GRIK1: variants seen among roughly 807,000 people sequenced by gnomAD.
GRIK1 encodes the protein glutamate ionotropic receptor kainate type subunit 1, also known as glutamate receptor ionotropic, kainate 1.
In GRIK1, 69 loss-of-function variants were observed where a neutral mutation model predicts 105.7. The observed-to-expected ratio is 0.65, with a 90% CI of 0.54 to 0.80. The LOEUF (loss-of-function observed/expected upper bound fraction) is 0.80, where lower values mean the gene tolerates loss of function less well. GRIK1 is among the 30% of genes least tolerant of loss of function. GRIK1 has a pLI of 0.00. For missense variants in GRIK1, 1,109 were observed against 1,167.3 expected (o/e 0.95, Z 0.73); for synonymous variants, 438 against 431.3 (o/e 1.02, Z -0.19).
intron 1 of GRIK1, among the ~76,000 whole-genome samples, chr21:29,864,140 T>A (rs1206817556): frequency 6.6e-6 from 1 of 152,132 alleles, no homozygotes; most frequent in Non-Finnish European, 1.5e-5. Flanking sequence ...GGAGGTATAT[T>A]GTGAAGACTG....
chr21:29,755,717 C>CA (rs1459940640), intron 1 of GRIK1, among the ~76,000 whole-genome samples: 3 of 151,928 alleles, frequency 2.0e-5, no homozygotes, highest in Non-Finnish European at 2.9e-5. Context: ...GGAGAGAAAT[C>CA]AAAAAATAGG....
rs907758476 is a variant in GRIK1, at chr21:29,939,904, G to C, written c.-404C>G. 1 of 162,998 alleles carries C rather than the reference G, an allele frequency of 6.1e-6. No individual in the cohort carries two copies. Among genetic ancestry groups the C allele is most frequent in the Admixed American group, 6.3e-5 (1 of 15,794 alleles). The allele number at this position is 162,998 out of a possible 1,614,324, so 10.1% of individuals were successfully genotyped here. On this transcript the variant is annotated 5_prime_UTR_variant, in exon 1 of 18. Coordinates refer to ENST00000327783, the MANE Select transcript of GRIK1 (RefSeq NM_001330994.2). The stretch of plus-strand genomic sequence containing the variant: ...ATAGGCACAGACAGAGGAGGGAAAA[G>C]GGGGAAAGAAGACTAACGAAGAAGG...
At chr21:29,569,384 C>T (rs1232654358) in intron 14 of GRIK1, among the ~76,000 whole-genome samples, 1 of 152,130 alleles carries the variant, frequency 6.6e-6, no homozygotes, top group African/African-American at 2.4e-5. Flanking sequence ...AGTTAGAAGT[C>T]ATCCTCAATT....
At chr21:29,589,615 C>T (rs774018099) in intron 10 of GRIK1, among the ~76,000 whole-genome samples, 20 of 151,616 alleles carry the variant, frequency 1.3e-4, no homozygotes, top group Admixed American at 3.3e-4. Flanking sequence ...TTAGTAGAGA[C>T]GGGGTTTCAC....
chr21:29,651,817 GGA>G (rs1220762128), intron 5 of GRIK1, among the ~76,000 whole-genome samples: 1 of 151,348 alleles, frequency 6.6e-6, no homozygotes, highest in Non-Finnish European at 1.5e-5. Context: ...GGCATCTATT[GGA>G]GGTCTCAGAA....
At chr21:29,630,791 G>GT (rs1313660388) in intron 7 of GRIK1, 1 of 349,738 alleles carries the variant, frequency 2.9e-6, no homozygotes, top group Admixed American at 3.9e-5. Flanking sequence ...GTTTTGTTTT[G>GT]TTTTTTGTTT....
At chr21:29,752,845 A>C (rs979836865) in intron 1 of GRIK1, among the ~76,000 whole-genome samples, 3 of 152,232 alleles carry the variant, frequency 2.0e-5, no homozygotes, top group Middle Eastern at 3.2e-3. Flanking sequence ...CTCCAAAAAA[A>C]TAAAAAGTAT....
chr21:29,576,035 A>G (rs1405694873), intron 14 of GRIK1, among the ~76,000 whole-genome samples: 1 of 150,478 alleles, frequency 6.6e-6, no homozygotes, highest in African/African-American at 2.5e-5. Context: ...CACCATTAAT[A>G]CTTTTTTTTT....
At chr21:29,685,462 AT>A (rs1399711990) in intron 3 of GRIK1, among the ~76,000 whole-genome samples, 1 of 151,964 alleles carries the variant, frequency 6.6e-6, no homozygotes, top group Non-Finnish European at 1.5e-5. Flanking sequence ...TTTTTTTTTA[AT>A]GTTTTGCCAC....
chr21:29,754,811 G>T (rs1205568654), intron 1 of GRIK1, among the ~76,000 whole-genome samples: 2 of 152,160 alleles, frequency 1.3e-5, no homozygotes, highest in Non-Finnish European at 2.9e-5. Context: ...TGGGGGACAG[G>T]AAATTCTCCC....
intron 1 of GRIK1, among the ~76,000 whole-genome samples, chr21:29,913,690 T>C (rs2070897733): frequency 6.6e-6 from 1 of 150,668 alleles, no homozygotes; most frequent in Admixed American, 6.6e-5. Context: ...TATATATATA[T>C]ATATTTGTAG....
Position 29,598,911 on chromosome 21 carries a change from A to AT in GRIK1, c.1124dup (p.His375GlnfsTer5). ...AGCCATTGGTTTTATTAAAGGTGAT[A>AT]TGCCCAGTCAAGCCATCCCACCGGG... On this transcript the variant is annotated frameshift_variant, in exon 8 of 18. Transcript: ENST00000327783. LOFTEE classifies it high-confidence loss of function. 1 of 1,588,994 alleles carries AT rather than the reference A, an allele frequency of 6.3e-7. No individual in the cohort carries two copies. Among genetic ancestry groups the AT allele is most frequent in the Non-Finnish European group, 8.6e-7 (1 of 1,161,560 alleles).
rs768324376 is a variant in GRIK1 at position 29,694,024 on chromosome 21, A to G, written c.158T>C (p.Val53Ala). Reference protein sequence around the residue: ...FETVENEPVNVEELAFKFAVT... With the variant: ...FETVENEPVNAEELAFKFAVT... ...TGCAAACTTGAAAGCTAATTCTTCAACATTAACAGGCTCATTTTCCACTGT... is the reference window on the plus strand; with the variant it reads ...TGCAAACTTGAAAGCTAATTCTTCAGCATTAACAGGCTCATTTTCCACTGT... Residue 53 changes from valine (V) to alanine (A), a missense_variant, in exon 2 of 18, where the codon GTT becomes GCT. Around this residue, in one of 5 missense-constraint regions of GRIK1, gnomAD observed 612 missense variants for 586.0 expected, o/e 1.04. Transcript: ENST00000327783. 2 of 1,613,400 alleles carry G rather than the reference A, an allele frequency of 1.2e-6. No homozygotes were observed. The highest frequency in any genetic ancestry group is 2.2e-5 in the East Asian group (1 of 44,880).
At chr21:29,556,739 A>G (rs952229762) in intron 15 of GRIK1, among the ~76,000 whole-genome samples, 9 of 152,216 alleles carry the variant, frequency 5.9e-5, no homozygotes, top group Non-Finnish European at 1.2e-4. Context: ...ACTAGGAATG[A>G]TGGAACCACA....
intron 1 of GRIK1, among the ~76,000 whole-genome samples, chr21:29,921,239 C>T (rs576908001): frequency 1.3e-5 from 2 of 152,168 alleles, no homozygotes; most frequent in African/African-American, 4.8e-5. Context: ...TTGCATACAA[C>T]TGTTCTAGAG....
chr21:29,612,558 A>G (rs142415062), intron 7 of GRIK1, among the ~76,000 whole-genome samples: 9 of 152,186 alleles, frequency 5.9e-5, no homozygotes, highest in Non-Finnish European at 1.2e-4. Flanking sequence ...CAGTGCATTC[A>G]TTTCTCACCA....
intron 3 of GRIK1, among the ~76,000 whole-genome samples, chr21:29,675,612 T>G (rs1452782887): frequency 6.6e-6 from 1 of 152,170 alleles, no homozygotes; most frequent in Non-Finnish European, 1.5e-5. Context: ...GGATGCTCAT[T>G]AGATGCCAAG....
chr21:29,537,634 C>T (rs1482626900), intron 17 of GRIK1, 164 bp downstream of exon 17: 1 of 713,606 alleles, frequency 1.4e-6, no homozygotes, highest in African/African-American at 1.8e-5. Flanking sequence ...TATAAAACTA[C>T]CCAGTTAAAG....
At chr21:29,621,826 G>T (rs962138329) in intron 7 of GRIK1, among the ~76,000 whole-genome samples, 5 of 152,194 alleles carry the variant, frequency 3.3e-5, no homozygotes, top group Admixed American at 3.3e-4. Context: ...CACTTGGTAG[G>T]TTCCCAGGAT....
Sources: gnomAD v4.1 joint callset for allele counts (sites outside exome capture counted in the v4.1 genomes callset) on GRCh38, gnomAD v4.1.1 for gene constraint, gnomAD v4.1.1 regional missense constraint, MANE v1.5 for transcripts, NCBI Gene and HGNC (gene_info 2026-07-23, HGNC 2026-07-21) for gene names.